The following FGF13 variants were observed in gnomAD, a reference collection of about 807,000 sequenced individuals.
The protein encoded by FGF13 is fibroblast growth factor homologous factor 2.
FGF13 carries 2 observed loss-of-function variants against 19.5 expected under a neutral mutation model. That is an observed-to-expected ratio of 0.10 (90% CI 0.04 to 0.32). FGF13 has a LOEUF of 0.32. FGF13 is among the 10% of genes least tolerant of loss of function. The pLI is 1.00. For synonymous variants in FGF13, 72 were observed against 76.9 expected (o/e 0.94, Z 0.33); for missense variants, 113 against 192.7 (o/e 0.59, Z 2.45).
intron 3 of FGF13, among the ~76,000 whole-genome samples, chrX:138,789,994 G>A (rs1211757358): frequency 1.3e-5 from 1 of 77,648 alleles, no homozygotes; most frequent in Non-Finnish European, 2.3e-5. Flanking sequence ...GCAGTGAGCC[G>A]AGATCACGCC....
intron 1 of FGF13, among the ~76,000 whole-genome samples, chrX:139,013,888 AT>A (rs1473975149): frequency 2.7e-5 from 3 of 110,696 alleles, no homozygotes; most frequent in South Asian, 7.6e-4. Context: ...AATAAAAAAA[AT>A]ATTTTTTAAA....
At chrX:138,718,631 T>C (rs138500453) in intron 1 of FGF13, among the ~76,000 whole-genome samples, 1,676 of 112,043 alleles carry the variant, frequency 0.015, 38 homozygotes, top group African/African-American at 0.051. Context: ...GAAAATACTT[T>C]AGTGTTCCCT....
At chrX:138,944,719 A>T (rs1373982754) in intron 1 of FGF13, among the ~76,000 whole-genome samples, 1 of 111,182 alleles carries the variant, frequency 9.0e-6, no homozygotes, top group Non-Finnish European at 1.9e-5. Context: ...AGATCATAGG[A>T]TGCATCTTAC....
chrX:138,661,785 T>C (rs776848023), intron 3 of FGF13, among the ~76,000 whole-genome samples: 2 of 111,904 alleles, frequency 1.8e-5, no homozygotes, highest in African/African-American at 6.5e-5. Flanking sequence ...ATGTGTTTCA[T>C]TCTATAGGAA....
chrX:139,108,223 T>C (rs1054109706), intron 1 of FGF13, among the ~76,000 whole-genome samples: 2 of 112,163 alleles, frequency 1.8e-5, no homozygotes, highest in African/African-American at 6.5e-5. Context: ...GAAACCTATG[T>C]AAGAAAATAT....
intron 1 of FGF13, among the ~76,000 whole-genome samples, chrX:139,168,599 T>C (rs2148260736): frequency 8.9e-6 from 1 of 111,946 alleles, no homozygotes; most frequent in East Asian, 2.8e-4. Context: ...AATAGCAATA[T>C]TAAAACATTC....
chrX:138,734,925 T>A (rs770380894), intron 1 of FGF13, among the ~76,000 whole-genome samples: 1 of 111,393 alleles, frequency 9.0e-6, no homozygotes, highest in Non-Finnish European at 1.9e-5. Flanking sequence ...AGGAGGCAAT[T>A]GGATTGGCTG....
intron 1 of FGF13, among the ~76,000 whole-genome samples, chrX:138,945,923 C>A (rs1201967428): frequency 1.8e-5 from 2 of 110,560 alleles, no homozygotes; most frequent in Non-Finnish European, 3.8e-5. Flanking sequence ...TTTTTGTCAA[C>A]CTATTTCCTA....
chrX:139,160,375 A>G (rs1190129351), intron 1 of FGF13, among the ~76,000 whole-genome samples: 1 of 112,284 alleles, frequency 8.9e-6, no homozygotes, highest in Non-Finnish European at 1.9e-5. Context: ...CTGAATGCCC[A>G]CAGGAGAAAG....
At chrX:138,892,650 C>A (rs1458461788) in intron 1 of FGF13, among the ~76,000 whole-genome samples, 1 of 110,328 alleles carries the variant, frequency 9.1e-6, no homozygotes, top group Non-Finnish European at 1.9e-5. Flanking sequence ...TAGAAGCCTC[C>A]AAAGGAGTGA....
intron 1 of FGF13, among the ~76,000 whole-genome samples, chrX:139,192,385 T>G (rs916193940): frequency 8.9e-6 from 1 of 112,158 alleles, no homozygotes; most frequent in Non-Finnish European, 1.9e-5. Context: ...TTTCCCCAAC[T>G]AGCCTGATGA....
At chrX:139,019,426 C>G (rs1603131363) in intron 1 of FGF13, among the ~76,000 whole-genome samples, 3 of 110,605 alleles carry the variant, frequency 2.7e-5, no homozygotes, top group Non-Finnish European at 5.7e-5. Context: ...TCAAGAGAGG[C>G]ACATTAAGTA....
At chrX:139,132,001 T>C (rs757376849) in intron 1 of FGF13, among the ~76,000 whole-genome samples, 29 of 112,255 alleles carry the variant, frequency 2.6e-4, no homozygotes, top group Non-Finnish European at 5.1e-4. Flanking sequence ...TCTCTGCAAA[T>C]TTCTAAATCT....
intron 3 of FGF13, among the ~76,000 whole-genome samples, chrX:138,645,177 G>A (rs1370816465): frequency 8.9e-6 from 1 of 112,006 alleles, no homozygotes; most frequent in Admixed American, 9.4e-5. Flanking sequence ...TACTCTTGAA[G>A]GCACCTCTCA....
intron 3 of FGF13, among the ~76,000 whole-genome samples, chrX:138,775,174 G>T (rs1397026589): frequency 8.9e-6 from 1 of 112,092 alleles, no homozygotes; most frequent in Non-Finnish European, 1.9e-5. Flanking sequence ...GGCCAGGCTG[G>T]TCTTGAACTT....
intron 3 of FGF13, among the ~76,000 whole-genome samples, chrX:138,674,092 C>G (rs2089641145): frequency 9.2e-6 from 1 of 109,280 alleles, no homozygotes; most frequent in Non-Finnish European, 1.9e-5. Flanking sequence ...TGTAGTACTA[C>G]TAAAAAGGAG....
intron 1 of FGF13, among the ~76,000 whole-genome samples, chrX:138,995,485 C>G (rs1470689065): frequency 1.8e-5 from 2 of 111,412 alleles, no homozygotes; most frequent in Non-Finnish European, 3.8e-5. Context: ...CCTCCCCCAA[C>G]TAGTGTCTGT....
At position 138,711,489 on chromosome X, in the gene FGF13, G is replaced by A; in HGVS notation, c.-486C>T. 1 of 750,991 alleles carries A rather than the reference G, an allele frequency of 1.3e-6. No individual in the cohort carries two copies. The highest frequency in any genetic ancestry group is 1.6e-6 in the Non-Finnish European group (1 of 635,002). The allele number at this position is 750,991 out of a possible 1,213,427, so 61.9% of individuals were successfully genotyped here. On this transcript the variant is annotated 5_prime_UTR_variant, in exon 1 of 5. Transcript: ENST00000315930. Reference sequence around the variant, plus strand: ...AGCTCGGGCGGCCGGACGGAGGAGGGACGAGGCAGCGCGCGGGGGAGCGCG... The same window carrying A: ...AGCTCGGGCGGCCGGACGGAGGAGGAACGAGGCAGCGCGCGGGGGAGCGCG...
chrX:138,723,180 A>G (rs2090159283), intron 1 of FGF13, among the ~76,000 whole-genome samples: 1 of 111,704 alleles, frequency 9.0e-6, no homozygotes, highest in Non-Finnish European at 1.9e-5. Context: ...TATTTTATGA[A>G]TGATTTCAGA....
Sources: gnomAD v4.1 joint callset for allele counts (sites outside exome capture counted in the v4.1 genomes callset) on GRCh38, gnomAD v4.1.1 for gene constraint, MANE v1.5 for transcripts, NCBI Gene and HGNC (gene_info 2026-07-23, HGNC 2026-07-21) for gene names.